NFIB: variants seen among roughly 807,000 people sequenced by gnomAD.
The protein encoded by NFIB is nuclear factor 1 B-type.
Under a neutral mutation model 61.5 loss-of-function variants are expected in NFIB, and 11 were observed. The ratio of observed to expected loss-of-function variants is 0.18; its 90% CI spans 0.11 to 0.30. NFIB has a LOEUF of 0.30. Among genes scored for constraint, NFIB ranks in the 10% least tolerant of loss-of-function variants. The probability of loss-of-function intolerance (pLI) is 1.00; values close to 1 mark genes in which losing one functional copy is unlikely to be tolerated. For missense variants in NFIB, 471 were observed against 608.9 expected, an observed-to-expected ratio of 0.77 and a Z score of 2.38; for synonymous variants, 260 against 216.5, an observed-to-expected ratio of 1.20 and a Z score of -1.76.
At chr9:14,189,241 G>C (rs1485874274) in intron 2 of NFIB, among the ~76,000 whole-genome samples, 1 of 152,166 alleles carries the variant, frequency 6.6e-6, no homozygotes, top group Non-Finnish European at 1.5e-5. Context: ...GTTAAAATCA[G>C]ACATAAGACT....
At chr9:14,155,988 T>G (rs2043354226) in intron 3 of NFIB, 95 bp from the exon 4 acceptor site, 1 of 704,120 alleles carries the variant, frequency 1.4e-6, no homozygotes, top group African/African-American at 1.9e-5. Flanking sequence ...AGCCAATGGT[T>G]TGAACAAAAA....
intron 1 of NFIB, among the ~76,000 whole-genome samples, chr9:14,319,476 C>A (rs967394748): frequency 6.6e-6 from 1 of 152,208 alleles, no homozygotes; most frequent in Admixed American, 6.5e-5. Context: ...CACAATGTTA[C>A]AAAGGTTCCA....
At chr9:14,263,630 A>G (rs1307844930) in intron 2 of NFIB, among the ~76,000 whole-genome samples, 15 of 152,314 alleles carry the variant, frequency 9.8e-5, no homozygotes, top group Middle Eastern at 6.8e-3. Flanking sequence ...CAGGTTTGCC[A>G]TCTAGATTCT....
chr9:14,399,313 C>T (rs535468345), upstream of NFIB, among the ~76,000 whole-genome samples: 111 of 152,186 alleles, frequency 7.3e-4, no homozygotes, highest in Middle Eastern at 6.8e-3. Flanking sequence ...TAATAGGACA[C>T]GATGTTATAG....
the NFIB span, among the ~76,000 whole-genome samples, chr9:14,455,559 A>G: frequency 2.5e-3 from 382 of 152,300 alleles, no homozygotes; most frequent in African/African-American, 8.9e-3. Flanking sequence ...AGGGAAACTC[A>G]GGGATATGAT....
intron 2 of NFIB, among the ~76,000 whole-genome samples, chr9:14,197,118 T>C (rs1474318960): frequency 6.6e-6 from 1 of 152,196 alleles, no homozygotes; most frequent in African/African-American, 2.4e-5. Context: ...TACTTTGCAA[T>C]CCCGAAATAG....
At chr9:14,489,178 T>C in the NFIB span, among the ~76,000 whole-genome samples, 2 of 152,236 alleles carry the variant, frequency 1.3e-5, no homozygotes, top group African/African-American at 2.4e-5. Flanking sequence ...AGATCTATAG[T>C]TTTATCCTTG....
chr9:14,228,735 T>C lies in NFIB; in HGVS notation c.563-48955A>G, dbSNP rs1196486897. Reference sequence around the variant, plus strand: ...ACTACGTAAGAAAGGATCTGACTGTTTGGCTTTTTCAGTCCATCTGAGATG... The same window carrying C: ...ACTACGTAAGAAAGGATCTGACTGTCTGGCTTTTTCAGTCCATCTGAGATG... On this transcript the variant is annotated intron_variant, in intron 2 of 10. Transcript: ENST00000380953. Among the ~76,000 whole-genome samples, 6 of 152,228 alleles carry C rather than the reference T, an allele frequency of 3.9e-5. No homozygotes were observed. The East Asian group carries it at 9.6e-4, about 24-fold the overall frequency.
chr9:14,322,183 T>A, intron 1 of NFIB: 2 of 1,145,834 alleles, frequency 1.7e-6, no homozygotes, highest in Non-Finnish European at 2.2e-6. Context: ...GAAAAGGCGG[T>A]CAAAGTCAAG....
intron 1 of NFIB, among the ~76,000 whole-genome samples, chr9:14,320,819 C>T (rs186913168): frequency 2.5e-4 from 38 of 152,228 alleles, no homozygotes; most frequent in Admixed American, 2.2e-3. Flanking sequence ...CAAAAGTTAA[C>T]TTTTTCCCGC....
At chr9:14,247,398 G>A (rs1341788074) in intron 2 of NFIB, among the ~76,000 whole-genome samples, 2 of 152,196 alleles carry the variant, frequency 1.3e-5, no homozygotes, top group African/African-American at 2.4e-5. Context: ...GAGAGGCAGT[G>A]ACCATGCCCA....
chr9:14,379,985 A>ATT (rs140976750), intron 1 of NFIB, among the ~76,000 whole-genome samples: 21 of 148,200 alleles, frequency 1.4e-4, no homozygotes, highest in South Asian at 4.2e-4. Context: ...ACCCAGTCAG[A>ATT]TTTTTTTTTT....
intron 6 of NFIB, among the ~76,000 whole-genome samples, chr9:14,131,309 A>G (rs1018859814): frequency 6.6e-6 from 1 of 152,226 alleles, no homozygotes; most frequent in Non-Finnish European, 1.5e-5. Flanking sequence ...CCCTTTAAAT[A>G]AGTATTTTGC....
intron 1 of NFIB, among the ~76,000 whole-genome samples, chr9:14,326,114 A>C (rs1264553631): frequency 2.0e-5 from 3 of 152,220 alleles, no homozygotes; most frequent in Non-Finnish European, 4.4e-5. Flanking sequence ...ACTTTTATTC[A>C]GGAGAGGAGA....
chr9:14,328,696 C>T (rs982239609), intron 1 of NFIB, among the ~76,000 whole-genome samples: 1 of 151,568 alleles, frequency 6.6e-6, no homozygotes, highest in African/African-American at 2.4e-5. Flanking sequence ...ATAATTTTTC[C>T]ACTTAATTTT....
At chr9:14,494,008 G>C in the NFIB span, among the ~76,000 whole-genome samples, 5 of 152,138 alleles carry the variant, frequency 3.3e-5, no homozygotes, top group Admixed American at 1.3e-4. Flanking sequence ...CTGTGGAAAC[G>C]TATCTCTTCT....
chr9:14,417,774 G>GTTTTT, the NFIB span, among the ~76,000 whole-genome samples: 41 of 91,746 alleles, frequency 4.5e-4, no homozygotes, highest in African/African-American at 6.6e-4. Context: ...CCTAGGAACA[G>GTTTTT]TTTTTTTTTT....
At chr9:14,427,953 T>TTTTTTG in the NFIB span, among the ~76,000 whole-genome samples, 38 of 118,064 alleles carry the variant, frequency 3.2e-4, no homozygotes, top group African/African-American at 7.7e-4. Context: ...TTTTTTTTTT[T>TTTTTTG]TTTTTTTTTT....
upstream of NFIB, among the ~76,000 whole-genome samples, chr9:14,399,647 T>C (rs368949015): frequency 1.3e-5 from 2 of 152,202 alleles, no homozygotes; most frequent in East Asian, 1.9e-4. Context: ...GATTTTAAAA[T>C]TCTTGAAAGC....
Sources: allele counts gnomAD v4.1 joint callset (sites outside exome capture counted in the v4.1 genomes callset), GRCh38; gene constraint gnomAD v4.1.1; transcripts MANE v1.5; gene names NCBI Gene and HGNC (gene_info 2026-07-23, HGNC 2026-07-21).